The following MYOM3 variants were observed in gnomAD, a reference collection of about 807,000 sequenced individuals.
MYOM3 encodes myomesin 3.
Under a neutral mutation model 191.7 loss-of-function variants are expected in MYOM3, and 155 were observed. The ratio of observed to expected loss-of-function variants is 0.81; its 90% confidence interval spans 0.71 to 0.92. MYOM3 has a LOEUF of 0.92. Ranked by LOEUF, MYOM3 falls within the 40% of genes least tolerant of loss-of-function variation. The pLI, the probability that MYOM3 is intolerant of heterozygous loss-of-function variation, is 0.00. For missense variants in MYOM3, 1,889 were observed against 1,890.6 expected, an observed-to-expected ratio of 1.00 and a Z score of 0.02; for synonymous variants, 757 against 762.9, an observed-to-expected ratio of 0.99 and a Z score of 0.13.
intron 25 of MYOM3, among the ~76,000 whole-genome samples, chr1:24,070,904 T>C (rs533430668): frequency 1.3e-5 from 2 of 152,194 alleles, no homozygotes; most frequent in South Asian, 2.1e-4. Flanking sequence ...CTGGCCAGCA[T>C]GTAGTGTCCC....
At chr1:24,071,076 G>T (rs1208426550) in intron 25 of MYOM3, 41 bp downstream of exon 25, 3 of 1,601,672 alleles carry the variant, frequency 1.9e-6, no homozygotes. Flanking sequence ...CACCTCCCCG[G>T]CAGGGGAGCC....
At chr1:24,103,800 C>T (rs1315000814) in intron 5 of MYOM3, among the ~76,000 whole-genome samples, 1 of 150,636 alleles carries the variant, frequency 6.6e-6, no homozygotes, top group Non-Finnish European at 1.5e-5. Context: ...TAATATGCTT[C>T]CCCCTGCACA....
chr1:24,067,190 T>C (rs988595864), intron 27 of MYOM3, 102 bp from the exon 28 acceptor site: 7 of 1,173,224 alleles, frequency 6.0e-6, no homozygotes, highest in African/African-American at 3.1e-5. Context: ...CTAATGGCTA[T>C]GGACTTCTCA....
intron 24 of MYOM3, 142 bp downstream of exon 24, chr1:24,071,827 G>T: frequency 1.2e-6 from 1 of 861,386 alleles, no homozygotes; most frequent in South Asian, 1.4e-5. Context: ...AGTGGTCCCT[G>T]ACCTTCTAGC....
At chr1:24,078,261 C>T (rs569050679) in intron 20 of MYOM3, among the ~76,000 whole-genome samples, 6 of 152,028 alleles carry the variant, frequency 3.9e-5, no homozygotes, top group South Asian at 2.1e-4. Flanking sequence ...ATTACAGGCA[C>T]GCGCCACCAC....
At chr1:24,095,664 G>A (rs1557614508) in intron 7 of MYOM3, among the ~76,000 whole-genome samples, 178 bp from the exon 8 acceptor site, 1 of 152,134 alleles carries the variant, frequency 6.6e-6, no homozygotes, top group African/African-American at 2.4e-5. Context: ...AGTAAAATGG[G>A]ACAGTAATTC....
Position 24,091,817 on chromosome 1 carries a change from G to C in MYOM3, c.1232+357C>G, listed in dbSNP as rs546293389. ...CTCTACCTGTTTGCCTCCTCCCTTG[G>C]GGTCAGTGCTATTCCATCTCTCTCT... On this transcript the variant is annotated intron_variant, in intron 11 of 36. Coordinates refer to ENST00000374434, the MANE Select transcript of MYOM3 (RefSeq NM_152372.4). 2.0e-5 allele frequency among the ~76,000 whole-genome samples: 3 copies of C among 152,268 alleles called. No homozygotes were observed. In the East Asian group the frequency reaches 5.8e-4, roughly 29 times the overall value.
In MYOM3 at chr1:24,063,441, C is replaced by T. The variant is rs1375124210; in HGVS notation, c.3661+51G>A. ...AGGCCAGTGTTAGGCTGCTTGGAGG[C>T]TGTTGGGCATCAGGGCAGGGCAGGG... On this transcript the variant is annotated intron_variant, in intron 31 of 36. Coordinates refer to ENST00000374434, the MANE Select transcript of MYOM3 (RefSeq NM_152372.4). The surrounding 1 kb of genome is among the most constrained non-coding windows in gnomAD (Gnocchi z 4.5). The T allele has an allele frequency of 5.6e-6, 9 of 1,609,568 alleles. No individual in the cohort carries two copies. In the South Asian group the frequency reaches 8.8e-5, roughly 16 times the overall value.
chr1:24,082,810 C>T (rs56066172), intron 16 of MYOM3, 96 bp from the exon 17 acceptor site: 50,930 of 1,422,240 alleles, frequency 0.036, 1,072 homozygotes, highest in Middle Eastern at 0.053. Context: ...TGGTCACCAG[C>T]GTGGTAGAAT....
At chr1:24,089,469 A>T (rs565162291) in intron 14 of MYOM3, 69 bp downstream of exon 14, 12 of 1,502,472 alleles carry the variant, frequency 8.0e-6, no homozygotes, top group Non-Finnish European at 1.1e-5. Context: ...CCCAGGGGAC[A>T]CTGCCCAGGG....
chr1:24,060,479 C>A (rs1643357199), intron 35 of MYOM3, among the ~76,000 whole-genome samples: 1 of 152,206 alleles, frequency 6.6e-6, no homozygotes, highest in Non-Finnish European at 1.5e-5. Context: ...CTGTGCTCTG[C>A]TGCCTGCCCG....
chr1:24,107,902 C>T (rs1406158556), intron 3 of MYOM3, 91 bp downstream of exon 3: 5 of 1,141,392 alleles, frequency 4.4e-6, no homozygotes, highest in African/African-American at 1.6e-5. Context: ...AGGTTCTTTA[C>T]ACTCGGGGTG....
At chr1:24,089,442 C>A in intron 14 of MYOM3, 96 bp downstream of exon 14, 3 of 1,425,424 alleles carry the variant, frequency 2.1e-6, no homozygotes, top group Non-Finnish European at 2.8e-6. Context: ...GATTCTCTTT[C>A]ATTCTCTGAC....
At position 24,095,426 on chromosome 1, in the gene MYOM3, C is replaced by G. The variant is rs4077303; in HGVS notation, c.790+16G>C. 29 of 1,610,790 alleles carry G rather than the reference C, an allele frequency of 1.8e-5. No homozygotes were observed. In the East Asian group the frequency reaches 6.5e-4, roughly 36 times the overall value. ...AACAAAGAATCCCAGGTCCCGTTCT[C>G]CCCCAGCCGACTTACTTTTGAAGAT... On this transcript the variant is annotated intron_variant, in intron 8 of 36. Transcript: ENST00000374434.
At chr1:24,098,080 GT>G in intron 6 of MYOM3, 69 bp from the exon 7 acceptor site, 1 of 1,016,430 alleles carries the variant, frequency 9.8e-7, no homozygotes, top group Non-Finnish European at 1.6e-6. Context: ...AGTCCCCTGT[GT>G]GGGTGGGAAA....
At chr1:24,089,762 C>G in intron 13 of MYOM3, 97 bp from the exon 14 acceptor site, 1 of 1,395,084 alleles carries the variant, frequency 7.2e-7, no homozygotes, top group Non-Finnish European at 9.6e-7. Flanking sequence ...ACACCCCTAC[C>G]CATCCCCCAG....
chr1:24,093,884 C>G (rs1278653667), intron 9 of MYOM3, among the ~76,000 whole-genome samples: 1 of 152,164 alleles, frequency 6.6e-6, no homozygotes, highest in South Asian at 2.1e-4. Flanking sequence ...ACTCTGGGTC[C>G]TTAGGCTATA....
At chr1:24,079,901 G>A (rs1395391112) in intron 20 of MYOM3, 115 bp downstream of exon 20, 1 of 1,012,388 alleles carries the variant, frequency 9.9e-7, no homozygotes, top group Non-Finnish European at 1.4e-6. Context: ...CTTCCTCTCT[G>A]GTCCTCTGCT....
At chr1:24,074,366 C>G in intron 22 of MYOM3, 97 bp from the exon 23 acceptor site, 2 of 850,042 alleles carry the variant, frequency 2.4e-6, no homozygotes. Context: ...TTCTGGTGAG[C>G]CTGTACCCCA....
Sources: allele counts gnomAD v4.1 joint callset (sites outside exome capture counted in the v4.1 genomes callset), GRCh38; gene constraint gnomAD v4.1.1; non-coding constraint Gnocchi (gnomAD v3.1); transcripts MANE v1.5; gene names NCBI Gene and HGNC (gene_info 2026-07-23, HGNC 2026-07-21).